Variants in NFE2L1 observed in about 807,000 individuals in gnomAD.
NFE2L1 encodes NFE2 like bZIP transcription factor 1.
Under a neutral mutation model 61.6 loss-of-function variants are expected in NFE2L1, and 18 were observed. That is an observed-to-expected ratio of 0.29 (90% CI 0.20 to 0.43). NFE2L1 has a LOEUF of 0.43. NFE2L1 is among the 20% of genes least tolerant of loss of function. The probability of loss-of-function intolerance (pLI) is 1.00; values close to 1 mark genes in which losing one functional copy is unlikely to be tolerated. For synonymous variants in NFE2L1, 419 were observed against 402.7 expected (o/e 1.04, Z -0.48); for missense variants, 827 against 973.5 (o/e 0.85, Z 2.00).
rs1415348058 is a variant in NFE2L1, at chr17:48,060,763, C to A, written c.*1122C>A. The A allele has an allele frequency of 2.6e-5, 4 of 152,654 alleles. No homozygotes were observed. Among genetic ancestry groups the A allele is most frequent in the Admixed American group, 6.5e-5 (1 of 15,276 alleles). 9.5% of individuals were successfully genotyped at this position (152,654 alleles called of 1,614,324 possible). A position where few individuals can be genotyped will look rare whatever the true frequency, so the allele number is the denominator to read the frequency against. ...AACTGGGCTTATCACTGGGAAAACA[C>A]AAAAAATTACACAACCCAGCAACAA... On this transcript the variant is annotated 3_prime_UTR_variant, in exon 6 of 6. Transcript: ENST00000362042.
In NFE2L1 at chr17:48,061,161, A is replaced by G. The variant is rs773176366; in HGVS notation, c.*1520A>G. On this transcript the variant is annotated 3_prime_UTR_variant, in exon 6 of 6. Coordinates refer to ENST00000362042, the MANE Select transcript of NFE2L1 (RefSeq NM_003204.3). ...GGGGGAGGCAGACATGGGAGTGCCA[A>G]GGTGGCCAGATGGTTCCAGGACTAC... 5.2e-5 allele frequency: 8 copies of G among 152,386 alleles called. No homozygotes were observed. The East Asian group carries it at 9.6e-4, about 18-fold the overall frequency. 9.4% of individuals were successfully genotyped at this position (152,386 alleles called of 1,614,324 possible).
At chr17:48,058,182 G>A in intron 5 of NFE2L1, 113 bp from the exon 6 acceptor site, 2 of 1,436,168 alleles carry the variant, frequency 1.4e-6, no homozygotes, top group South Asian at 3.0e-5. Context: ...TTGGTTTATA[G>A]TATTTTGCCT....
intron 2 of NFE2L1, chr17:48,055,880 CCT>C (rs1243787689): frequency 1.3e-5 from 2 of 158,848 alleles, no homozygotes; most frequent in Non-Finnish European, 2.8e-5. Flanking sequence ...CAGGGATTTT[CCT>C]CTCTAGCCCA....
rs1567758498 is a variant in NFE2L1 at position 48,060,233 on chromosome 17, C to CTGT, written c.*593_*594insGTT. The CTGT allele has an allele frequency of 6.6e-6, 1 of 152,450 alleles. No individual in the cohort carries two copies. Among genetic ancestry groups the CTGT allele is most frequent in the African/African-American group, 2.4e-5 (1 of 41,410 alleles). The allele number at this position is 152,450 out of a possible 1,614,324, so 9.4% of individuals were successfully genotyped here. On this transcript the variant is annotated 3_prime_UTR_variant, in exon 6 of 6. Coordinates refer to ENST00000362042, the MANE Select transcript of NFE2L1 (RefSeq NM_003204.3). ...TGGGGGTGGGGAGGGACGGTGTTAACTCTTTCTGCTCCTTGCATTTTGACA... is the reference window on the plus strand; with the variant it reads ...TGGGGGTGGGGAGGGACGGTGTTAACTGTTCTTTCTGCTCCTTGCATTTTGACA...
chr17:48,059,451 T>C lies in NFE2L1; in HGVS notation c.2129T>C (p.Met710Thr). The C allele has an allele frequency of 6.2e-7, 1 of 1,614,054 alleles. No homozygotes were observed. The highest frequency in any genetic ancestry group is 8.5e-7 in the Non-Finnish European group (1 of 1,179,990). The change falls in exon 6 of 6, where the codon ATG becomes ACG. Residue 710 changes from methionine to threonine, a missense_variant. Transcript: ENST00000362042. This position sits in a 1 kb window ranked among gnomAD's most constrained non-coding sequence, Gnocchi z 6.1. ...KVEFLRSLRQMKQKVQSLYQE... is the reference protein window; with the variant it reads ...KVEFLRSLRQTKQKVQSLYQE... Reference sequence around the variant, plus strand: ...GAGTTCCTGCGCTCCCTGCGACAGATGAAGCAGAAGGTCCAGAGCCTGTAC... The same window carrying C: ...GAGTTCCTGCGCTCCCTGCGACAGACGAAGCAGAAGGTCCAGAGCCTGTAC...
intron 2 of NFE2L1, 130 bp downstream of exon 2, chr17:48,051,758 TG>T: frequency 8.8e-7 from 1 of 1,137,828 alleles, no homozygotes; most frequent in Non-Finnish European, 1.2e-6. Flanking sequence ...GCACTGTTCT[TG>T]GGTAGGGATG....
At position 48,051,358 on chromosome 17, in the gene NFE2L1, C is replaced by T. The variant is rs368130021; in HGVS notation, c.240C>T (p.Ala80=). Residue 80 remains alanine, a synonymous_variant, in exon 2 of 6, where the codon GCC becomes GCT. Coordinates refer to ENST00000362042, the MANE Select transcript of NFE2L1 (RefSeq NM_003204.3). ...KSIDLDNYFT[A]RRLLSQVRAL... is the part of the protein sequence containing the mutation. ...TAGACCTGGACAATTACTTCACTGCCCGGCGGCTCCTCAGTCAGGTGAGGG... is the reference window on the plus strand; with the variant it reads ...TAGACCTGGACAATTACTTCACTGCTCGGCGGCTCCTCAGTCAGGTGAGGG... The T allele has an allele frequency of 2.8e-5, 45 of 1,614,016 alleles. No homozygotes were observed. In the African/African-American group the frequency reaches 5.7e-4, roughly 21 times the overall value.
intron 1 of NFE2L1, among the ~76,000 whole-genome samples, chr17:48,049,645 G>A (rs2037195906): frequency 6.6e-6 from 1 of 152,158 alleles, no homozygotes; most frequent in South Asian, 2.1e-4. Context: ...CGCCCTCCTC[G>A]GCCTCCCGAA....
chr17:48,058,492 C>T lies in NFE2L1; in HGVS notation c.1170C>T (p.Ser390=). 1 of 1,613,122 alleles carries T rather than the reference C, an allele frequency of 6.2e-7. No individual in the cohort carries two copies. Among genetic ancestry groups the T allele is most frequent in the South Asian group, 1.1e-5 (1 of 90,894 alleles). ...TGGAAAGCCTGCCTGTGGCCAGTAG[C>T]TCCACGCTGCTCCCGTTGGCCCCCA... is the stretch of plus-strand genomic sequence containing the variant. ...PEVESLPVAS[S]STLLPLAPSN... is the part of the protein sequence containing the mutation. Residue 390 remains serine, a synonymous_variant, in exon 6 of 6, where the codon AGC becomes AGT. Transcript: ENST00000362042.
intron 2 of NFE2L1, chr17:48,055,187 G>A: frequency 1.5e-6 from 2 of 1,317,998 alleles, no homozygotes; most frequent in South Asian, 2.0e-5. Context: ...AGTACGTCTG[G>A]GAGGTCTTAG....
Position 48,058,879 on chromosome 17 carries a change from T to C in NFE2L1, c.1557T>C (p.Ser519=), listed in dbSNP as rs778292154. Residue 519 remains serine (S), a synonymous_variant, in exon 6 of 6, where the codon TCT becomes TCC. Coordinates refer to ENST00000362042, the MANE Select transcript of NFE2L1 (RefSeq NM_003204.3). ...SASSSASSSF[S]EEGAVGYSSD... ...CTTCCTCTGCCTCTTCCTCCTTTTCTGAGGAAGGTGCGGTTGGCTACAGCT... is the reference window on the plus strand; with the variant it reads ...CTTCCTCTGCCTCTTCCTCCTTTTCCGAGGAAGGTGCGGTTGGCTACAGCT... The C allele has an allele frequency of 1.2e-5, 20 of 1,613,860 alleles. No homozygotes were observed. Among genetic ancestry groups the C allele is most frequent in the Non-Finnish European group, 1.7e-5 (20 of 1,180,020 alleles).
At chr17:48,053,451 C>T (rs2037306743) in intron 2 of NFE2L1, among the ~76,000 whole-genome samples, 1 of 152,176 alleles carries the variant, frequency 6.6e-6, no homozygotes, top group African/African-American at 2.4e-5. Context: ...AGGTCCAGAG[C>T]ATGTGACAGG....
chr17:48,051,849 G>A (rs973211876), intron 2 of NFE2L1, among the ~76,000 whole-genome samples: 2 of 152,138 alleles, frequency 1.3e-5, no homozygotes, highest in African/African-American at 2.4e-5. Flanking sequence ...TAAATGTACT[G>A]TCAGGGCAGT....
chr17:48,058,670 A>G lies in NFE2L1; in HGVS notation c.1348A>G (p.Ile450Val). The G allele has an allele frequency of 6.2e-7, 1 of 1,614,188 alleles. No homozygotes were observed. Among genetic ancestry groups the G allele is most frequent in the Non-Finnish European group, 8.5e-7 (1 of 1,180,042 alleles). The change falls in exon 6 of 6, where the codon ATC becomes GTC. Residue 450 changes from isoleucine (I) to valine (V), a missense_variant. Coordinates refer to ENST00000362042, the MANE Select transcript of NFE2L1 (RefSeq NM_003204.3). ...GLLDEAMLDE[I>V]SLMDLAIEEG... ...GTTAGATGAAGCTATGTTGGATGAG[A>G]TCAGCCTTATGGACCTGGCCATTGA...
rs1322350676 is a variant in NFE2L1, at chr17:48,058,846, C to T, written c.1524C>T (p.Ser508=). 8 of 1,613,622 alleles carry T rather than the reference C, an allele frequency of 5.0e-6. No homozygotes were observed. The highest frequency in any genetic ancestry group is 5.9e-6 in the Non-Finnish European group (7 of 1,179,936). ...CTTCCTCCTCCTCTTCCTCTTCTTC[C>T]TCTGCTTCTTCCTCTGCCTCTTCCT... ...SSSSSSSSSS[S]SASSSASSSF... Residue 508 remains serine, a synonymous_variant, in exon 6 of 6, where the codon TCC becomes TCT. Transcript: ENST00000362042.
At position 48,059,998 on chromosome 17, in the gene NFE2L1, C is replaced by A; in HGVS notation, c.*357C>A. The A allele has an allele frequency of 2.1e-5, 3 of 146,282 alleles. No individual in the cohort carries two copies. Among genetic ancestry groups the A allele is most frequent in the East Asian group, 2.1e-4 (1 of 4,810 alleles). 9.1% of individuals were successfully genotyped at this position (146,282 alleles called of 1,614,324 possible). On this transcript the variant is annotated 3_prime_UTR_variant, in exon 6 of 6. Coordinates refer to ENST00000362042, the MANE Select transcript of NFE2L1 (RefSeq NM_003204.3). This position sits in a 1 kb window ranked among gnomAD's most constrained non-coding sequence, Gnocchi z 6.1. ...AGGAAGGGAAGGTGGCAGAAAGTCT[C>A]ATTTCAGGAAGGAGGGATAGAAGGA...
chr17:48,060,037 C>CCCCG lies in NFE2L1; in HGVS notation c.*399_*400insGCCC, dbSNP rs1555575546. On this transcript the variant is annotated 3_prime_UTR_variant, in exon 6 of 6. Coordinates refer to ENST00000362042, the MANE Select transcript of NFE2L1 (RefSeq NM_003204.3). ...GGGATAGAAGGAAGGAAGGAAGGAA[C>CCCCG]CCCCCCCCCCCCGAAAAAAAAATCA... is the stretch of plus-strand genomic sequence containing the variant. The CCCCG allele has an allele frequency of 1.0e-4, 1 of 9,592 alleles. No individual in the cohort carries two copies. Among genetic ancestry groups the CCCCG allele is most frequent in the East Asian group, 1.8e-3 (1 of 550 alleles). The allele number at this position is 9,592 out of a possible 1,614,324, so 0.6% of individuals were successfully genotyped here. A position where few individuals can be genotyped will look rare whatever the true frequency, so the allele number is the denominator to read the frequency against.
At chr17:48,051,649 T>A in intron 2 of NFE2L1, 21 bp downstream of exon 2, 1 of 1,594,426 alleles carries the variant, frequency 6.3e-7, no homozygotes, top group Non-Finnish European at 8.5e-7. Context: ...CTGTGGTGGG[T>A]GTGTGGGGCC....
intron 2 of NFE2L1, among the ~76,000 whole-genome samples, chr17:48,052,406 G>T (rs1201532399): frequency 6.6e-6 from 1 of 152,164 alleles, no homozygotes; most frequent in Non-Finnish European, 1.5e-5. Context: ...CTCTGGGTTT[G>T]TATGGCTCTC....
Sources: allele counts gnomAD v4.1 joint callset (sites outside exome capture counted in the v4.1 genomes callset), GRCh38; gene constraint gnomAD v4.1.1; non-coding constraint Gnocchi (gnomAD v3.1); transcripts MANE v1.5; gene names NCBI Gene and HGNC (gene_info 2026-07-23, HGNC 2026-07-21).